Variants in PIBF1 observed in about 807,000 individuals in gnomAD.
The protein encoded by PIBF1 is progesterone-induced-blocking factor 1.
A neutral mutation model predicts 112.5 loss-of-function variants in PIBF1; 90 were observed. The observed-to-expected ratio is 0.80, with a 90% CI of 0.67 to 0.95. The LOEUF (loss-of-function observed/expected upper bound fraction) is 0.95, where lower values mean the gene tolerates loss of function less well. Among genes scored for constraint, PIBF1 ranks in the 40% least tolerant of loss-of-function variants. The pLI is 0.00. For missense variants in PIBF1, 915 were observed against 852.3 expected (o/e 1.07, Z -0.92); for synonymous variants, 301 against 288.6 (o/e 1.04, Z -0.44).
At chr13:72,972,003 CATTT>C (rs67353309) in intron 15 of PIBF1, among the ~76,000 whole-genome samples, 52,327 of 138,530 alleles carry the variant, frequency 0.38, 11,020 homozygotes, top group Admixed American at 0.53. Context: ...TAGTGGCTTT[CATTT>C]ATTTATTTAT....
intron 5 of PIBF1, among the ~76,000 whole-genome samples, chr13:72,811,595 C>CAAAAAA (rs770232789): frequency 2.5e-5 from 1 of 40,086 alleles, no homozygotes; most frequent in African/African-American, 9.2e-5. Flanking sequence ...AACTCCGTCT[C>CAAAAAA]AAAAAAAAAA....
At chr13:72,940,031 T>A (rs2041970489) in intron 14 of PIBF1, among the ~76,000 whole-genome samples, 1 of 152,180 alleles carries the variant, frequency 6.6e-6, no homozygotes, top group African/African-American at 2.4e-5. Flanking sequence ...TCTTCATGTT[T>A]CCTATGCTTG....
chr13:72,977,032 A>G (rs972882714), intron 16 of PIBF1, among the ~76,000 whole-genome samples: 2 of 152,184 alleles, frequency 1.3e-5, no homozygotes, highest in African/African-American at 2.4e-5. Context: ...ACCCTGGTCA[A>G]TACCCTGGGA....
intron 16 of PIBF1, among the ~76,000 whole-genome samples, chr13:72,991,627 A>T (rs1182729901): frequency 2.0e-5 from 3 of 151,922 alleles, no homozygotes; most frequent in Non-Finnish European, 4.4e-5. Context: ...GGTGGCTCAC[A>T]CCTGTAATCC....
At chr13:72,938,359 TC>T (rs2041926887) in intron 14 of PIBF1, among the ~76,000 whole-genome samples, 1 of 152,004 alleles carries the variant, frequency 6.6e-6, no homozygotes, top group African/African-American at 2.4e-5. Flanking sequence ...GACTCCCCAT[TC>T]CCGCCTCCAC....
intron 12 of PIBF1, among the ~76,000 whole-genome samples, chr13:72,911,856 A>T (rs1373497370): frequency 6.6e-6 from 1 of 152,064 alleles, no homozygotes; most frequent in Non-Finnish European, 1.5e-5. Context: ...CCTGTTGGGC[A>T]TAGTGACTCA....
intron 6 of PIBF1, among the ~76,000 whole-genome samples, chr13:72,825,818 T>C (rs1186872431): frequency 6.6e-6 from 1 of 151,902 alleles, no homozygotes; most frequent in Non-Finnish European, 1.5e-5. Context: ...GTAATCCTAG[T>C]GCTTTCAGAA....
intron 8 of PIBF1, among the ~76,000 whole-genome samples, chr13:72,829,738 C>T (rs2037007302): frequency 6.6e-6 from 1 of 152,106 alleles, no homozygotes; most frequent in Non-Finnish European, 1.5e-5. Flanking sequence ...CTTCTTCTTG[C>T]CCAGAATTGT....
At chr13:72,796,150 G>T (rs1436763941) in intron 4 of PIBF1, among the ~76,000 whole-genome samples, 1 of 152,066 alleles carries the variant, frequency 6.6e-6, no homozygotes, top group Non-Finnish European at 1.5e-5. Context: ...ACAAGAATAA[G>T]CACACAATTC....
intron 2 of PIBF1, among the ~76,000 whole-genome samples, chr13:72,785,784 AT>A (rs1020466512): frequency 4.6e-5 from 7 of 152,196 alleles, no homozygotes; most frequent in Admixed American, 6.5e-5. Context: ...GTCAACAAGT[AT>A]TTTTTTAAGT....
At position 72,786,559 on chromosome 13, in the gene PIBF1, T is replaced by G. The variant is rs924189978; in HGVS notation, c.252+2838T>G. On this transcript the variant is annotated intron_variant, in intron 2 of 17. Coordinates refer to ENST00000326291, the MANE Select transcript of PIBF1 (RefSeq NM_006346.4). ...TCTAGTCCTTTGCTTCCAACTCTTA[T>G]GTAATTCTTTGTGTGCGTCTACCAG... Among the ~76,000 whole-genome samples the G allele has an allele frequency of 3.9e-5, 6 of 152,332 alleles. No individual in the cohort carries two copies. The East Asian group carries it at 1.2e-3, about 29-fold the overall frequency.
intron 15 of PIBF1, among the ~76,000 whole-genome samples, chr13:72,971,084 G>A (rs6562734): frequency 0.73 from 111,534 of 151,958 alleles, 41,234 homozygotes; most frequent in South Asian, 0.81. Context: ...AAGCATTTGT[G>A]AAGAATTATC....
At chr13:72,827,240 T>A in intron 7 of PIBF1, 122 bp downstream of exon 7, 5 of 42,398 alleles carry the variant, frequency 1.2e-4, no homozygotes, top group East Asian at 1.2e-3. Flanking sequence ...AAAGATAAAT[T>A]TTTTTTTTTT....
chr13:72,938,385 A>G (rs1459058780), intron 14 of PIBF1, among the ~76,000 whole-genome samples: 1 of 151,978 alleles, frequency 6.6e-6, no homozygotes, highest in Non-Finnish European at 1.5e-5. Flanking sequence ...GTCCCCCACA[A>G]GCAATAATGT....
chr13:72,853,677 T>C (rs2138320355), intron 9 of PIBF1, among the ~76,000 whole-genome samples: 1 of 152,216 alleles, frequency 6.6e-6, no homozygotes, highest in East Asian at 1.9e-4. Flanking sequence ...CCACAATATA[T>C]CTTTCACTTA....
chr13:72,976,383 A>T (rs932860373), intron 16 of PIBF1, among the ~76,000 whole-genome samples: 1 of 152,134 alleles, frequency 6.6e-6, no homozygotes, highest in Admixed American at 6.6e-5. Flanking sequence ...AGAAATTTAA[A>T]CACTAGCAAG....
chr13:72,822,610 C>T (rs915962950), intron 6 of PIBF1, among the ~76,000 whole-genome samples: 1 of 152,078 alleles, frequency 6.6e-6, no homozygotes, highest in African/African-American at 2.4e-5. Flanking sequence ...TATATATGTA[C>T]TGCATATGTA....
At chr13:72,812,785 A>C (rs2036080275) in intron 5 of PIBF1, among the ~76,000 whole-genome samples, 1 of 143,588 alleles carries the variant, frequency 7.0e-6, no homozygotes, top group Non-Finnish European at 1.5e-5. Context: ...AAAAAACTAC[A>C]AAAAAAAAAC....
At chr13:72,966,973 T>C (rs1281687405) in intron 15 of PIBF1, among the ~76,000 whole-genome samples, 1 of 151,554 alleles carries the variant, frequency 6.6e-6, no homozygotes. Context: ...AGTCTCACTG[T>C]CACCCAGGCT....
Sources: gnomAD v4.1 joint callset for allele counts (sites outside exome capture counted in the v4.1 genomes callset) on GRCh38, gnomAD v4.1.1 for gene constraint, MANE v1.5 for transcripts, NCBI Gene and HGNC (gene_info 2026-07-23, HGNC 2026-07-21) for gene names.